PDE1A: variants seen among roughly 807,000 people sequenced by gnomAD.
The protein encoded by PDE1A is dual specificity calcium/calmodulin-dependent 3',5'-cyclic nucleotide phosphodiesterase 1A.
PDE1A carries 35 observed loss-of-function variants against 61.7 expected under a neutral mutation model. The observed-to-expected ratio is 0.57, with a 90% CI of 0.43 to 0.75. The LOEUF is 0.75. PDE1A is among the 30% of genes least tolerant of loss of function. PDE1A has a pLI of 0.00. For missense variants in PDE1A, 597 were observed against 630.6 expected (o/e 0.95, Z 0.57); for synonymous variants, 232 against 213.2 (o/e 1.09, Z -0.77).
chr2:182,217,843 T>C (rs1688339141), intron 7 of PDE1A, among the ~76,000 whole-genome samples: 1 of 151,806 alleles, frequency 6.6e-6, no homozygotes, highest in Non-Finnish European at 1.5e-5. Flanking sequence ...AGTTCAACCA[T>C]TGTGGAATTC....
intron 1 of PDE1A, among the ~76,000 whole-genome samples, chr2:182,373,687 G>A (rs578169940): frequency 6.6e-6 from 1 of 152,290 alleles, no homozygotes; most frequent in Non-Finnish European, 1.5e-5. Context: ...AGTGAAGAAG[G>A]AGAAAGGATA....
chr2:182,549,244 A>C, the PDE1A span, among the ~76,000 whole-genome samples: 1 of 152,168 alleles, frequency 6.6e-6, no homozygotes, highest in African/African-American at 2.4e-5. Flanking sequence ...TTTCTATTGT[A>C]TGTTTCATAG....
chr2:182,668,440 A>G, the PDE1A span, among the ~76,000 whole-genome samples: 2 of 152,104 alleles, frequency 1.3e-5, no homozygotes, highest in African/African-American at 4.8e-5. Context: ...TGAGACCGAA[A>G]AAAAGGCAAA....
the PDE1A span, among the ~76,000 whole-genome samples, chr2:182,633,306 C>A: frequency 1.3e-5 from 2 of 152,136 alleles, no homozygotes; most frequent in African/African-American, 4.8e-5. Context: ...TCAAGCCATG[C>A]AAAATTAAAA....
At chr2:182,219,138 C>G (rs986802141) in intron 7 of PDE1A, among the ~76,000 whole-genome samples, 1 of 151,844 alleles carries the variant, frequency 6.6e-6, no homozygotes, top group East Asian at 1.9e-4. Flanking sequence ...GTTATAGATC[C>G]TTTTGCTTTA....
At chr2:182,186,783 A>G (rs563442582) in intron 11 of PDE1A, among the ~76,000 whole-genome samples, 195 bp from the exon 12 acceptor site, 2 of 152,334 alleles carry the variant, frequency 1.3e-5, no homozygotes, top group South Asian at 4.1e-4. Flanking sequence ...GCTCTATAAA[A>G]TAATACTTGA....
chr2:182,610,322 G>A, the PDE1A span, among the ~76,000 whole-genome samples: 36 of 152,190 alleles, frequency 2.4e-4, no homozygotes, highest in African/African-American at 8.4e-4. Context: ...AAGTCAATTC[G>A]TATGCCTTTT....
intron 1 of PDE1A, among the ~76,000 whole-genome samples, chr2:182,346,607 GTCTC>G (rs200406350): frequency 0.031 from 3,240 of 104,168 alleles, 111 homozygotes; most frequent in African/African-American, 0.081. Flanking sequence ...TAAAAAGTAA[GTCTC>G]TCTCCCATCT....
At chr2:182,517,360 A>T (rs1479417582) in intron 2 of PDE1A, among the ~76,000 whole-genome samples, 3 of 152,182 alleles carry the variant, frequency 2.0e-5, no homozygotes, top group Non-Finnish European at 4.4e-5. Flanking sequence ...CCAGCTGTGA[A>T]TCTATCTCCA....
the PDE1A span, among the ~76,000 whole-genome samples, chr2:182,708,164 C>T: frequency 6.6e-6 from 1 of 151,952 alleles, no homozygotes; most frequent in African/African-American, 2.4e-5. Context: ...TAAAAATACA[C>T]AGTTTAGGAC....
the PDE1A span, among the ~76,000 whole-genome samples, chr2:182,593,160 TAGA>T: frequency 2.6e-5 from 4 of 152,188 alleles, no homozygotes; most frequent in Admixed American, 1.3e-4. Flanking sequence ...GTTAAAAACA[TAGA>T]AGGTGTTATC....
intron 11 of PDE1A, among the ~76,000 whole-genome samples, chr2:182,187,305 C>T (rs1685291621): frequency 6.6e-6 from 1 of 152,182 alleles, no homozygotes; most frequent in African/African-American, 2.4e-5. Context: ...AAATGACACA[C>T]AGAGAAAAGG....
intron 2 of PDE1A, among the ~76,000 whole-genome samples, chr2:182,438,367 AAT>A (rs981136591): frequency 5.9e-5 from 9 of 152,116 alleles, no homozygotes; most frequent in African/African-American, 1.9e-4. Flanking sequence ...GTTGGTCTCC[AAT>A]GGGGCCACCT....
the PDE1A span, among the ~76,000 whole-genome samples, chr2:182,649,374 G>A: frequency 6.6e-6 from 1 of 152,100 alleles, no homozygotes; most frequent in South Asian, 2.1e-4. Flanking sequence ...CCTACAAATA[G>A]GAATAAAGTC....
chr2:182,534,163 GCA>G, the PDE1A span, among the ~76,000 whole-genome samples: 1 of 151,890 alleles, frequency 6.6e-6, no homozygotes, highest in Non-Finnish European at 1.5e-5. Context: ...ATTGTATTAT[GCA>G]CAGTTTCCCA....
At chr2:182,626,523 T>G in the PDE1A span, among the ~76,000 whole-genome samples, 4 of 151,184 alleles carry the variant, frequency 2.6e-5, no homozygotes, top group African/African-American at 9.7e-5. Flanking sequence ...TTAGAGTTTG[T>G]GATATTAATC....
intron 1 of PDE1A, among the ~76,000 whole-genome samples, chr2:182,344,925 G>T (rs529047720): frequency 3.0e-4 from 45 of 152,112 alleles, no homozygotes; most frequent in African/African-American, 1.0e-3. Context: ...TCTGTAAATG[G>T]CCACCTCATT....
chr2:182,181,367 C>T (rs954803697), intron 13 of PDE1A, among the ~76,000 whole-genome samples: 2 of 152,172 alleles, frequency 1.3e-5, no homozygotes, highest in Non-Finnish European at 2.9e-5. Flanking sequence ...AGGTCTGCTG[C>T]AGTTTGATGG....
chr2:182,273,371 T>C (rs1013225964), intron 1 of PDE1A, among the ~76,000 whole-genome samples: 3 of 151,942 alleles, frequency 2.0e-5, no homozygotes, highest in African/African-American at 7.2e-5. Context: ...TTTGAAAAGG[T>C]ATGAAGCATC....
Sources: gnomAD v4.1 joint callset for allele counts (sites outside exome capture counted in the v4.1 genomes callset) on GRCh38, gnomAD v4.1.1 for gene constraint, MANE v1.5 for transcripts, NCBI Gene and HGNC (gene_info 2026-07-23, HGNC 2026-07-21) for gene names.